The following MOV10L1 variants were observed in gnomAD, a reference collection of about 807,000 sequenced individuals.
MOV10L1 encodes the protein Mov10 like RNA helicase 1, also known as RNA helicase Mov10l1.
Under a neutral mutation model 143.8 loss-of-function variants are expected in MOV10L1, and 110 were observed. The ratio of observed to expected loss-of-function variants is 0.76; its 90% CI spans 0.66 to 0.90. The LOEUF is 0.90. Ranked by LOEUF, MOV10L1 falls within the 40% of genes least tolerant of loss-of-function variation. The probability of loss-of-function intolerance (pLI) is 0.00; values close to 1 mark genes in which losing one functional copy is unlikely to be tolerated. For missense variants in MOV10L1, 1,406 were observed against 1,526.8 expected (o/e 0.92, Z 1.32); for synonymous variants, 593 against 581.1 (o/e 1.02, Z -0.29).
chr22:50,154,803 T>C (rs970607283), intron 22 of MOV10L1, among the ~76,000 whole-genome samples: 26 of 152,252 alleles, frequency 1.7e-4, no homozygotes, highest in Non-Finnish European at 2.9e-4. Context: ...TTCCTCATTA[T>C]GTAATATCCT....
chr22:50,097,600 C>G (rs1442840493), intron 2 of MOV10L1, among the ~76,000 whole-genome samples: 2 of 152,022 alleles, frequency 1.3e-5, no homozygotes, highest in African/African-American at 4.8e-5. Context: ...CTTTACTATT[C>G]CATTGGTTTA....
In MOV10L1 at chr22:50,160,743, C is replaced by T. The variant is rs1215512639; in HGVS notation, c.3380C>T (p.Ser1127Phe). 2 of 1,614,044 alleles carry T rather than the reference C, an allele frequency of 1.2e-6. No individual in the cohort carries two copies. Among genetic ancestry groups the T allele is most frequent in the Non-Finnish European group, 1.7e-6 (2 of 1,179,994 alleles). Residue 1127 changes from serine to phenylalanine, a missense_variant, in exon 25 of 27, where the codon TCC (serine) becomes TTC (phenylalanine). Coordinates refer to ENST00000262794, the MANE Select transcript of MOV10L1 (RefSeq NM_018995.3). The part of the protein sequence containing the change: ...EDDRYFLGFL[S>F]NSKRFNVAIT... ...GATCGATATTTTTTGGGTTTCTTGT[C>T]CAACTCAAAAAGATTTAATGTTGCA...
At chr22:50,091,216 T>TAGCTGG (rs2062431875) in intron 1 of MOV10L1, 1 of 167,424 alleles carries the variant, frequency 6.0e-6, no homozygotes, top group Non-Finnish European at 1.5e-5. Context: ...CGCTCAGCGG[T>TAGCTGG]AGCTGGAGCT....
At chr22:50,114,292 T>G in intron 6 of MOV10L1, 89 bp from the exon 7 acceptor site, 1 of 1,473,498 alleles carries the variant, frequency 6.8e-7, no homozygotes, top group South Asian at 1.3e-5. Context: ...CAGTCACCAC[T>G]TCCTAGATTA....
chr22:50,111,922 G>T (rs779739029), intron 5 of MOV10L1, among the ~76,000 whole-genome samples: 1 of 152,200 alleles, frequency 6.6e-6, no homozygotes, highest in Non-Finnish European at 1.5e-5. Flanking sequence ...TGGGGAAAGC[G>T]TCTGCTTTCC....
chr22:50,100,600 G>A (rs1219636089), intron 3 of MOV10L1, among the ~76,000 whole-genome samples: 5 of 151,988 alleles, frequency 3.3e-5, no homozygotes, highest in African/African-American at 4.8e-5. Context: ...TGCAACCTCC[G>A]CCTCCTGGGT....
chr22:50,126,321 C>T (rs138243), intron 12 of MOV10L1, 49 bp downstream of exon 12: 1 of 1,439,338 alleles, frequency 6.9e-7, no homozygotes, highest in Non-Finnish European at 9.7e-7. Context: ...ACCCTTCTGA[C>T]CGGTTGGAAA....
At chr22:50,117,499 T>C in intron 9 of MOV10L1, 148 bp downstream of exon 9, 2 of 811,536 alleles carry the variant, frequency 2.5e-6, no homozygotes, top group Non-Finnish European at 3.7e-6. Context: ...TCCATGATTG[T>C]ATTTGGGGGA....
Position 50,114,583 on chromosome 22 carries a change from T to A in MOV10L1, c.1087T>A (p.Ser363Thr). Residue 363 changes from serine (S) to threonine (T), a missense_variant, in exon 7 of 27, where the codon TCG (serine) becomes ACG (threonine). Physicochemically the swap from Ser to Thr is moderately conservative, Grantham distance 58. Coordinates refer to ENST00000262794, the MANE Select transcript of MOV10L1 (RefSeq NM_018995.3). ...SHTKNKTSQM[S>T]ESSLVNNRGI... ...CACAAAAAACAAAACCTCTCAGATG[T>A]CGGAGAGCAGTTTGGTGAACAACAG... 6.2e-7 allele frequency: 1 copy of A among 1,614,130 alleles called. No homozygotes were observed. Among genetic ancestry groups the A allele is most frequent in the Non-Finnish European group, 8.5e-7 (1 of 1,180,016 alleles).
rs1176936992 is a variant in MOV10L1, at chr22:50,134,079, A to G, written c.1969+14A>G. 6 of 1,595,180 alleles carry G rather than the reference A, an allele frequency of 3.8e-6. No individual in the cohort carries two copies. Among genetic ancestry groups the G allele is most frequent in the East Asian group, 2.2e-5 (1 of 44,604 alleles). ...TAGGTGTAAAAGGTATTACTTTTAT[A>G]GAATGATAGTGTTACATCTTCACAG... is the stretch of plus-strand genomic sequence containing the variant. On this transcript the variant is annotated intron_variant, in intron 14 of 26. Transcript: ENST00000262794.
Position 50,137,159 on chromosome 22 carries a change from A to C in MOV10L1, c.2070+2529A>C, listed in dbSNP as rs529507840. The stretch of plus-strand genomic sequence containing the variant: ...CTGGTTACAAAATGAAAAAGTGAAA[A>C]ACGTAACCCAAAAGGAGAAAATTTA... On this transcript the variant is annotated intron_variant, in intron 15 of 26. Transcript: ENST00000262794. Among the ~76,000 whole-genome samples the C allele has an allele frequency of 2.0e-5, 3 of 152,324 alleles. No individual in the cohort carries two copies. The East Asian group carries it at 5.8e-4, about 29-fold the overall frequency.
chr22:50,092,223 C>T (rs1432384715), intron 2 of MOV10L1, 38 bp downstream of exon 2: 1 of 1,568,450 alleles, frequency 6.4e-7, no homozygotes, highest in Non-Finnish European at 8.7e-7. Context: ...TTTTTCTTCG[C>T]CACGGGACTT....
intron 2 of MOV10L1, chr22:50,095,509 G>T (rs1233948535): frequency 6.6e-6 from 1 of 152,142 alleles, no homozygotes; most frequent in Non-Finnish European, 1.5e-5. Context: ...TTTGAAAGAG[G>T]ATCTGGAACC....
intron 19 of MOV10L1, among the ~76,000 whole-genome samples, chr22:50,147,602 G>A (rs1389309770): frequency 6.6e-6 from 1 of 152,186 alleles, no homozygotes; most frequent in East Asian, 1.9e-4. Flanking sequence ...AAGCAGGGAG[G>A]GTGCTGCAGC....
chr22:50,152,076 A>G lies in MOV10L1; in HGVS notation c.2893-969A>G, dbSNP rs6010146. Among the ~76,000 whole-genome samples, 34,868 of 152,240 alleles carry G rather than the reference A, an allele frequency of 0.23. 4,363 individuals carry two copies. The highest frequency in any genetic ancestry group is 0.36 in the Admixed American group (5,456 of 15,302). Reference sequence around the variant, plus strand: ...TGGACACATTCTATTTAGGCTTGACAGAGTCGGGAGGACTCACGGGGCCAA... The same window carrying G: ...TGGACACATTCTATTTAGGCTTGACGGAGTCGGGAGGACTCACGGGGCCAA... On this transcript the variant is annotated intron_variant, in intron 21 of 26. Transcript: ENST00000262794. The surrounding 1 kb of genome is among the most constrained non-coding windows in gnomAD (Gnocchi z 4.4).
At chr22:50,110,448 C>CA (rs34675632) in intron 5 of MOV10L1, among the ~76,000 whole-genome samples, 2,118 of 127,330 alleles carry the variant, frequency 0.017, 33 homozygotes, top group East Asian at 0.053. Flanking sequence ...CACTCCATCT[C>CA]AAAAAAAAAA....
chr22:50,148,668 T>A (rs942788885), intron 19 of MOV10L1, among the ~76,000 whole-genome samples: 5 of 151,158 alleles, frequency 3.3e-5, no homozygotes, highest in African/African-American at 4.9e-5. Context: ...TTTTTCTTTT[T>A]TTTTTTTTTT....
Position 50,125,385 on chromosome 22 carries a change from T to G in MOV10L1, c.1570-7T>G. The G allele has an allele frequency of 1.9e-6, 3 of 1,613,742 alleles. No homozygotes were observed. The South Asian group carries it at 3.3e-5, about 18-fold the overall frequency. On this transcript the variant is annotated splice_region_variant and splice_polypyrimidine_tract_variant and intron_variant, in intron 10 of 26. Transcript: ENST00000262794. ...TGCTGACTTTATAACATTTGGGTGT[T>G]TTCCAGCTTCTGAACATGTCAAATT...
rs761424601 is a variant in MOV10L1, at chr22:50,108,742, G to A, written c.641G>A (p.Gly214Glu). 20 of 1,614,208 alleles carry A rather than the reference G, an allele frequency of 1.2e-5. No homozygotes were observed. Among genetic ancestry groups the A allele is most frequent in the Non-Finnish European group, 1.6e-5 (19 of 1,180,042 alleles). ...TTGGACTCCTTGAAACTGCCAGATG[G>A]GTACACACCCCGGAGAGGTGACGTG... Reference protein sequence around the residue: ...FTLDSLKLPDGYTPRRGDVVN... With the variant: ...FTLDSLKLPDEYTPRRGDVVN... The change falls in exon 5 of 27, where the codon GGG (glycine) becomes GAG (glutamate). Residue 214 changes from glycine (G) to glutamate (E), a missense_variant. Gly to Glu is a moderately conservative substitution (Grantham distance 98). Coordinates refer to ENST00000262794, the MANE Select transcript of MOV10L1 (RefSeq NM_018995.3).
Sources: gnomAD v4.1 joint callset for allele counts (sites outside exome capture counted in the v4.1 genomes callset) on GRCh38, gnomAD v4.1.1 for gene constraint, Gnocchi (gnomAD v3.1) non-coding constraint, MANE v1.5 for transcripts, NCBI Gene and HGNC (gene_info 2026-07-23, HGNC 2026-07-21) for gene names.